The following GNPAT variants were observed in gnomAD, a reference collection of about 807,000 sequenced individuals.
The protein encoded by GNPAT is dihydroxyacetone phosphate acyltransferase.
In GNPAT, 30 loss-of-function variants were observed where a neutral mutation model predicts 78.4. That is an observed-to-expected ratio of 0.38 (90% confidence interval 0.29 to 0.52). The LOEUF (loss-of-function observed/expected upper bound fraction) is 0.52, where lower values mean the gene tolerates loss of function less well. Ranked by LOEUF, GNPAT falls within the 20% of genes least tolerant of loss-of-function variation. The pLI is 0.84. For synonymous variants in GNPAT, 271 were observed against 281.1 expected (o/e 0.96, Z 0.36); for missense variants, 714 against 812.2 (o/e 0.88, Z 1.47).
rs192055733 is a variant in GNPAT at position 231,243,320 on chromosome 1, T to C, written c.78+1864T>C. ...CTAAGCTGATCTTCCTTTTTTGTTT[T>C]TGTTTTTGTTTTTGTTTTGTTTTGG... On this transcript the variant is annotated intron_variant, in intron 1 of 15. Coordinates refer to ENST00000366647, the MANE Select transcript of GNPAT (RefSeq NM_014236.4). Among the ~76,000 whole-genome samples the C allele has an allele frequency of 1.1e-3, 167 of 152,090 alleles. 1 individual carries two copies. Among genetic ancestry groups the C allele is most frequent in the Non-Finnish European group, 1.9e-3 (132 of 68,018 alleles).
At chr1:231,241,719 C>T (rs1160877385) in intron 1 of GNPAT, among the ~76,000 whole-genome samples, 3 of 152,206 alleles carry the variant, frequency 2.0e-5, no homozygotes, top group Non-Finnish European at 4.4e-5. Flanking sequence ...CTATCAGGCC[C>T]TGGGGCCTTC....
Position 231,265,323 on chromosome 1 carries a change from T to C in GNPAT, c.599T>C (p.Leu200Pro). Residue 200 changes from leucine to proline, a missense_variant, in exon 5 of 16, where the codon CTG becomes CCG. Physicochemically the swap from Leu to Pro is moderately conservative, Grantham distance 98. Transcript: ENST00000366647. ...DFLGMKMVGE[L>P]LRMSGAFFMR... ...CTGGGAATGAAAATGGTTGGTGAGC[T>C]GCTACGAATGTCGGGTGCCTTTTTC... is the stretch of plus-strand genomic sequence containing the variant. 1 of 1,612,378 alleles carries C rather than the reference T, an allele frequency of 6.2e-7. No individual in the cohort carries two copies. The highest frequency in any genetic ancestry group is 8.5e-7 in the Non-Finnish European group (1 of 1,178,330).
chr1:231,269,460 C>G (rs372738166), intron 9 of GNPAT, among the ~76,000 whole-genome samples: 28 of 152,334 alleles, frequency 1.8e-4, no homozygotes, highest in African/African-American at 6.3e-4. Flanking sequence ...GGAGGCTGCT[C>G]TGTCCCAATG....
intron 9 of GNPAT, 121 bp downstream of exon 9, chr1:231,268,024 C>G: frequency 1.3e-6 from 1 of 741,040 alleles, no homozygotes; most frequent in Non-Finnish European, 2.4e-6. Context: ...AAGGACAGGC[C>G]GGGCGCGGTG....
intron 11 of GNPAT, 85 bp downstream of exon 11, chr1:231,272,476 C>A: frequency 2.5e-6 from 2 of 785,506 alleles, no homozygotes; most frequent in Non-Finnish European, 4.5e-6. Flanking sequence ...GTGTCTCAGG[C>A]AGTGTGCCAT....
Position 231,270,907 on chromosome 1 carries a change from A to G in GNPAT, c.1429A>G (p.Met477Val), listed in dbSNP as rs756290437. 6.2e-7 allele frequency: 1 copy of G among 1,614,156 alleles called. No homozygotes were observed. Among genetic ancestry groups the G allele is most frequent in the Non-Finnish European group, 8.5e-7 (1 of 1,179,998 alleles). Residue 477 changes from methionine (M) to valine (V), a missense_variant, in exon 10 of 16, where the codon ATG becomes GTG. By Grantham distance (21) the Met-to-Val change is conservative (BLOSUM62 1). Coordinates refer to ENST00000366647, the MANE Select transcript of GNPAT (RefSeq NM_014236.4). Reference sequence around the variant, plus strand: ...TATGCTCCAGCACATCACTCTCCTCATGTGCTCAGCTTATAGGAACCAGCT... The same window carrying G: ...TATGCTCCAGCACATCACTCTCCTCGTGTGCTCAGCTTATAGGAACCAGCT... Reference protein sequence around the residue: ...GLMLQHITLLMCSAYRNQLLN... With the variant: ...GLMLQHITLLVCSAYRNQLLN...
At chr1:231,254,505 G>A (rs977445995) in intron 2 of GNPAT, among the ~76,000 whole-genome samples, 3 of 151,630 alleles carry the variant, frequency 2.0e-5, no homozygotes, top group Non-Finnish European at 4.4e-5. Flanking sequence ...GCAGTGGCGC[G>A]ATCTCGGCTC....
intron 4 of GNPAT, among the ~76,000 whole-genome samples, chr1:231,263,668 A>G (rs1685288463): frequency 6.6e-6 from 1 of 152,120 alleles, no homozygotes; most frequent in Non-Finnish European, 1.5e-5. Context: ...AGGAACCACC[A>G]TACTGCCTTC....
At chr1:231,266,994 C>CT (rs1685407343) in intron 8 of GNPAT, among the ~76,000 whole-genome samples, 1 of 152,210 alleles carries the variant, frequency 6.6e-6, no homozygotes, top group Non-Finnish European at 1.5e-5. Flanking sequence ...TTATCTGTAG[C>CT]TTTAGCAGTT....
chr1:231,275,102 C>T, intron 12 of GNPAT, 119 bp from the exon 13 acceptor site: 2 of 722,294 alleles, frequency 2.8e-6, no homozygotes, highest in Non-Finnish European at 2.5e-6. Context: ...GGTCTTTATG[C>T]TGCTCTCTTG....
rs1478000157 is a variant in GNPAT, at chr1:231,241,272, G to T, written c.-107G>T. ...TGTAGCGGCTGCAGAGGGTGCCGCCGCCCTAGGCGAAGTAGGGCCGTCCTG... is the reference window on the plus strand; with the variant it reads ...TGTAGCGGCTGCAGAGGGTGCCGCCTCCCTAGGCGAAGTAGGGCCGTCCTG... On this transcript the variant is annotated 5_prime_UTR_variant, in exon 1 of 16. Coordinates refer to ENST00000366647, the MANE Select transcript of GNPAT (RefSeq NM_014236.4). 4 of 1,418,054 alleles carry T rather than the reference G, an allele frequency of 2.8e-6. No individual in the cohort carries two copies. In the African/African-American group the frequency reaches 4.2e-5, roughly 15 times the overall value. 87.8% of individuals were successfully genotyped at this position (1,418,054 alleles called of 1,614,324 possible). A position where few individuals can be genotyped will look rare whatever the true frequency, so the allele number is the denominator to read the frequency against.
At chr1:231,244,360 A>G (rs1348711618) in intron 1 of GNPAT, among the ~76,000 whole-genome samples, 1 of 152,234 alleles carries the variant, frequency 6.6e-6, no homozygotes, top group East Asian at 1.9e-4. Flanking sequence ...AAGCAGTAAC[A>G]GTGAGCCCAG....
intron 3 of GNPAT, among the ~76,000 whole-genome samples, chr1:231,261,347 A>T (rs868237528): frequency 6.7e-6 from 1 of 150,058 alleles, no homozygotes. Context: ...TTTTTTTTTT[A>T]AAGAACAGGC....
chr1:231,252,422 A>G (rs1684922259), intron 2 of GNPAT, among the ~76,000 whole-genome samples: 1 of 152,200 alleles, frequency 6.6e-6, no homozygotes, highest in Non-Finnish European at 1.5e-5. Context: ...AAATGAAGGT[A>G]TTTGGTGGGC....
intron 1 of GNPAT, among the ~76,000 whole-genome samples, chr1:231,248,565 T>C (rs978055998): frequency 1.3e-5 from 2 of 150,628 alleles, no homozygotes; most frequent in Non-Finnish European, 2.9e-5. Flanking sequence ...CCCGTCTCTA[T>C]TGAAAAAAAA....
At chr1:231,264,721 TG>T (rs1214594844) in intron 4 of GNPAT, among the ~76,000 whole-genome samples, 4 of 152,244 alleles carry the variant, frequency 2.6e-5, no homozygotes, top group African/African-American at 9.6e-5. Flanking sequence ...AGTAGGTTGA[TG>T]TTTTTTCCTG....
intron 9 of GNPAT, among the ~76,000 whole-genome samples, chr1:231,269,034 G>C (rs1365326935): frequency 6.8e-6 from 1 of 147,620 alleles, no homozygotes; most frequent in Non-Finnish European, 1.5e-5. Flanking sequence ...TCTGTGCTGG[G>C]TACTACCAGG....
At chr1:231,247,874 G>A (rs907316120) in intron 1 of GNPAT, among the ~76,000 whole-genome samples, 4 of 152,192 alleles carry the variant, frequency 2.6e-5, no homozygotes, top group African/African-American at 9.7e-5. Flanking sequence ...GGGTCATGAA[G>A]AGCCTGGGGT....
chr1:231,250,479 C>T (rs557559235), intron 1 of GNPAT, among the ~76,000 whole-genome samples: 1 of 152,110 alleles, frequency 6.6e-6, no homozygotes, highest in African/African-American at 2.4e-5. Flanking sequence ...CTCAACAGTA[C>T]CTTTTATTGG....
Sources: gnomAD v4.1 joint callset for allele counts (sites outside exome capture counted in the v4.1 genomes callset) on GRCh38, gnomAD v4.1.1 for gene constraint, MANE v1.5 for transcripts, NCBI Gene and HGNC (gene_info 2026-07-23, HGNC 2026-07-21) for gene names.